The following NHS variants were observed in gnomAD, a reference collection of about 807,000 sequenced individuals.
NHS encodes actin remodeling regulator NHS.
In NHS, 5 loss-of-function variants were observed where a neutral mutation model predicts 72.5. The ratio of observed to expected loss-of-function variants is 0.07; its 90% CI spans 0.04 to 0.14. The LOEUF is 0.14. NHS is among the 10% of genes least tolerant of loss of function. The pLI is 1.00. For missense variants in NHS, 1,072 were observed against 1,355.7 expected (o/e 0.79, Z 3.29); for synonymous variants, 464 against 547.7 (o/e 0.85, Z 2.13).
At chrX:17,717,333 C>G (rs2066370745) in intron 3 of NHS, among the ~76,000 whole-genome samples, 2 of 112,155 alleles carry the variant, frequency 1.8e-5, no homozygotes, top group Admixed American at 9.4e-5. Context: ...TTCAGGTGCA[C>G]AAATATTTTG....
At chrX:17,564,953 A>T (rs745611898) in intron 1 of NHS, among the ~76,000 whole-genome samples, 18 of 110,588 alleles carry the variant, frequency 1.6e-4, no homozygotes, top group Middle Eastern at 4.7e-3. Context: ...TCCTGTGGCA[A>T]ATTGGGTACA....
At chrX:17,561,553 TGCATGCGCGCGC>T (rs1208678508) in intron 1 of NHS, among the ~76,000 whole-genome samples, 2 of 83,190 alleles carry the variant, frequency 2.4e-5, no homozygotes, top group Non-Finnish European at 4.2e-5. Flanking sequence ...CACATGCAAG[TGCATGCGCGCGC>T]GCGCGCGCGC....
chrX:17,478,627 A>T (rs1465414964), intron 1 of NHS, among the ~76,000 whole-genome samples: 1 of 111,962 alleles, frequency 8.9e-6, no homozygotes, highest in African/African-American at 3.2e-5. Context: ...TTGAAATTTA[A>T]GGTGAGTTTC....
At chrX:17,721,322 T>A in intron 4 of NHS, 119 bp from the exon 5 acceptor site, 1 of 634,804 alleles carries the variant, frequency 1.6e-6, no homozygotes. Flanking sequence ...TAGGAATTCT[T>A]CCTTTGTCCT....
chrX:17,678,086 G>A (rs927667169), intron 1 of NHS, among the ~76,000 whole-genome samples: 19 of 111,538 alleles, frequency 1.7e-4, no homozygotes, highest in Admixed American at 1.1e-3. Context: ...TGGCCACTGC[G>A]TTTGGCCAAA....
intron 1 of NHS, among the ~76,000 whole-genome samples, chrX:17,662,826 G>GTTACCTC (rs2065988881): frequency 8.9e-6 from 1 of 112,002 alleles, no homozygotes; most frequent in African/African-American, 3.2e-5. Flanking sequence ...ATAATGTGGT[G>GTTACCTC]TTACCTCAAA....
chrX:17,701,974 A>G (rs2066267568), intron 3 of NHS, among the ~76,000 whole-genome samples: 1 of 111,628 alleles, frequency 9.0e-6, no homozygotes, highest in South Asian at 3.8e-4. Context: ...AACATGCGTT[A>G]TAATGAAATT....
chrX:17,693,312 T>C (rs1404980750), intron 3 of NHS, among the ~76,000 whole-genome samples: 2 of 112,027 alleles, frequency 1.8e-5, no homozygotes, highest in Non-Finnish European at 3.8e-5. Context: ...ACTGAGCACT[T>C]TGTGCCTCTG....
rs1375636575 is a variant in NHS, at chrX:17,712,391, C to CATAT, written c.853-6952_853-6951insTATA. Among the ~76,000 whole-genome samples the CATAT allele has an allele frequency of 2.1e-3, 184 of 89,371 alleles. 1 individual carries two copies. Among genetic ancestry groups the CATAT allele is most frequent in the African/African-American group, 8.5e-3 (174 of 20,538 alleles). 77.6% of individuals were successfully genotyped at this position (89,371 alleles called of 115,157 possible). On this transcript the variant is annotated intron_variant, in intron 3 of 8. Transcript: ENST00000676302. ...ACACACACACACACACACACACACA[C>CATAT]ACATATATATATATATATATATTGC...
rs1227088807 is a variant in NHS at position 17,376,057 on chromosome X, G to A, written c.300G>A (p.Pro100=). The A allele has an allele frequency of 9.5e-7, 1 of 1,057,628 alleles. No homozygotes were observed. The highest frequency in any genetic ancestry group is 1.2e-6 in the Non-Finnish European group (1 of 829,234). The allele number at this position is 1,057,628 out of a possible 1,213,427, so 87.2% of individuals were successfully genotyped here. Reference sequence around the variant, plus strand: ...GCGAGGAGAGCACGGCGGGGATCCCGGAGGCGGCGCCCGCAGCCGGCGAGG... The same window carrying A: ...GCGAGGAGAGCACGGCGGGGATCCCAGAGGCGGCGCCCGCAGCCGGCGAGG... The part of the protein sequence containing the change: ...VAGEESTAGI[P]EAAPAAGEAS... The change falls in exon 1 of 9, where the codon CCG becomes CCA. Residue 100 remains proline (P), a synonymous_variant. Coordinates refer to ENST00000676302, the MANE Select transcript of NHS (RefSeq NM_001291867.2).
At chrX:17,644,127 C>G (rs1363649984) in intron 1 of NHS, among the ~76,000 whole-genome samples, 1 of 112,113 alleles carries the variant, frequency 8.9e-6, no homozygotes, top group African/African-American at 3.2e-5. Flanking sequence ...ATCTTCATAC[C>G]ACCATCTGCT....
chrX:17,443,198 G>C (rs1179779412), intron 1 of NHS, among the ~76,000 whole-genome samples: 1 of 112,423 alleles, frequency 8.9e-6, no homozygotes, highest in Non-Finnish European at 1.9e-5. Context: ...ATGTTATAGA[G>C]TTGTTGTGAC....
At chrX:17,446,552 C>T (rs150199324) in intron 1 of NHS, among the ~76,000 whole-genome samples, 1,391 of 109,264 alleles carry the variant, frequency 0.013, 28 homozygotes, top group African/African-American at 0.044. Flanking sequence ...TTTTCCTTTA[C>T]CTATCCAAAT....
intron 1 of NHS, among the ~76,000 whole-genome samples, chrX:17,530,172 T>C (rs2065191952): frequency 9.0e-6 from 1 of 111,011 alleles, no homozygotes; most frequent in Non-Finnish European, 1.9e-5. Context: ...GAAAGTGACT[T>C]TCAGTGAACG....
rs747909490 is a variant in NHS, at chrX:17,717,872, C to CAAAT, written c.853-1456_853-1453dup. Among the ~76,000 whole-genome samples the CAAAT allele has an allele frequency of 4.2e-4, 47 of 111,627 alleles. No homozygotes were observed. The East Asian group carries it at 9.0e-3, about 21-fold the overall frequency. On this transcript the variant is annotated intron_variant, in intron 3 of 8. Coordinates refer to ENST00000676302, the MANE Select transcript of NHS (RefSeq NM_001291867.2). ...AGAGAATTTTCTTCCAAGTAGTTCA[C>CAAAT]AAATAAATAAATAAATAAAATCACT...
chrX:17,615,012 A>G (rs185656913), intron 1 of NHS, among the ~76,000 whole-genome samples: 1 of 102,668 alleles, frequency 9.7e-6, no homozygotes, highest in African/African-American at 3.6e-5. Context: ...TGCCTTTTGC[A>G]TCTTCCCTCT....
chrX:17,588,422 G>C (rs779089926), intron 1 of NHS, among the ~76,000 whole-genome samples: 16 of 111,980 alleles, frequency 1.4e-4, no homozygotes, highest in African/African-American at 4.9e-4. Context: ...AAGCGCTGTA[G>C]TACAGATGCA....
intron 8 of NHS, among the ~76,000 whole-genome samples, chrX:17,729,031 A>C (rs1340030397): frequency 8.9e-6 from 1 of 112,310 alleles, no homozygotes; most frequent in Non-Finnish European, 1.9e-5. Context: ...ATTTTTCCCC[A>C]GGAAAAGACA....
intron 1 of NHS, among the ~76,000 whole-genome samples, chrX:17,604,349 C>A (rs1403470374): frequency 9.0e-6 from 1 of 111,249 alleles, no homozygotes; most frequent in Non-Finnish European, 1.9e-5. Flanking sequence ...CTATCAAAGC[C>A]TTTAATATCC....
Sources: gnomAD v4.1 joint callset for allele counts (sites outside exome capture counted in the v4.1 genomes callset) on GRCh38, gnomAD v4.1.1 for gene constraint, MANE v1.5 for transcripts, NCBI Gene and HGNC (gene_info 2026-07-23, HGNC 2026-07-21) for gene names.